PARD3B: variants seen among roughly 807,000 people sequenced by gnomAD.
PARD3B encodes the protein partitioning defective 3 homolog B.
A neutral mutation model predicts 130.2 loss-of-function variants in PARD3B; 103 were observed. The observed-to-expected ratio is 0.79, with a 90% CI of 0.67 to 0.93. PARD3B has a LOEUF of 0.93. Among genes scored for constraint, PARD3B ranks in the 40% least tolerant of loss-of-function variants. The pLI is 0.00. For synonymous variants in PARD3B, 583 were observed against 553.2 expected, an observed-to-expected ratio of 1.05 and a Z score of -0.76; for missense variants, 1,609 against 1,499.2, an observed-to-expected ratio of 1.07 and a Z score of -1.21.
At chr2:205,254,181 T>C (rs2039975406) in intron 16 of PARD3B, among the ~76,000 whole-genome samples, 2 of 151,582 alleles carry the variant, frequency 1.3e-5, no homozygotes, top group South Asian at 4.2e-4. Flanking sequence ...CCTTTCATTT[T>C]AAACATCTTT....
rs192429529 is a variant in PARD3B at position 204,614,619 on chromosome 2, C to A, written c.120+68500C>A. Among the ~76,000 whole-genome samples, 561 of 152,264 alleles carry A rather than the reference C, an allele frequency of 3.7e-3. 3 individuals are homozygous for A. The highest frequency in any genetic ancestry group is 6.5e-3 in the Non-Finnish European group (439 of 68,018). ...CCCAAATTTTATGTTGAATTGTAAT[C>A]CCCATTGTTGGAGGTGGGGCCTGTT... On this transcript the variant is annotated intron_variant, in intron 1 of 22. Coordinates refer to ENST00000406610, the MANE Select transcript of PARD3B (RefSeq NM_001302769.2).
rs1454207505 is a variant in PARD3B at position 205,268,802 on chromosome 2, C to T, written c.2185+22980C>T. On this transcript the variant is annotated intron_variant, in intron 16 of 22. Coordinates refer to ENST00000406610, the MANE Select transcript of PARD3B (RefSeq NM_001302769.2). The surrounding 1 kb of genome is among the most constrained non-coding windows in gnomAD (Gnocchi z 4.1). Reference sequence around the variant, plus strand: ...TTGAAATGCATGGTTTTAAGTGATGCTGGCTAGAATAAAGGTGGAAGGAGG... The same window carrying T: ...TTGAAATGCATGGTTTTAAGTGATGTTGGCTAGAATAAAGGTGGAAGGAGG... 1.3e-5 allele frequency among the ~76,000 whole-genome samples: 2 copies of T among 152,052 alleles called. No homozygotes were observed. The highest frequency in any genetic ancestry group is 2.9e-5 in the Non-Finnish European group (2 of 68,006).
chr2:205,526,158 T>C (rs2051326947), intron 21 of PARD3B, among the ~76,000 whole-genome samples: 1 of 152,208 alleles, frequency 6.6e-6, no homozygotes, highest in Non-Finnish European at 1.5e-5. Flanking sequence ...TAGATTCTGT[T>C]TCACAGTTTG....
At chr2:205,030,623 C>T (rs1697347529) in intron 3 of PARD3B, among the ~76,000 whole-genome samples, 1 of 152,040 alleles carries the variant, frequency 6.6e-6, no homozygotes, top group Admixed American at 6.6e-5. Context: ...CTCTTTAAAA[C>T]TAATTTAAAT....
At chr2:204,918,753 G>A (rs953241302) in intron 2 of PARD3B, among the ~76,000 whole-genome samples, 5 of 152,148 alleles carry the variant, frequency 3.3e-5, no homozygotes, top group Admixed American at 6.5e-5. Flanking sequence ...CTTTTTGAGG[G>A]ATTTGGTGAT....
chr2:204,664,408 A>G lies in PARD3B; in HGVS notation c.121-21773A>G, dbSNP rs1380828610. Among the ~76,000 whole-genome samples, 5 of 152,202 alleles carry G rather than the reference A, an allele frequency of 3.3e-5. No homozygotes were observed. The highest frequency in any genetic ancestry group is 1.2e-4 in the African/African-American group (5 of 41,466). On this transcript the variant is annotated intron_variant, in intron 1 of 22. Transcript: ENST00000406610. This position sits in a 1 kb window ranked among gnomAD's most constrained non-coding sequence, Gnocchi z 5.2. Reference sequence around the variant, plus strand: ...GAAGTTGTGGCCTGCAAGTAACATAAAGCAAATAAAATTTTTGCCAGACGG... The same window carrying G: ...GAAGTTGTGGCCTGCAAGTAACATAGAGCAAATAAAATTTTTGCCAGACGG...
At chr2:205,454,684 A>G (rs1425682357) in intron 20 of PARD3B, among the ~76,000 whole-genome samples, 1 of 152,124 alleles carries the variant, frequency 6.6e-6, no homozygotes, top group Non-Finnish European at 1.5e-5. Context: ...GATGCAGAAG[A>G]TTTTCTATGT....
At chr2:204,548,806 C>A (rs574056192) in intron 1 of PARD3B, among the ~76,000 whole-genome samples, 2 of 152,170 alleles carry the variant, frequency 1.3e-5, no homozygotes, top group East Asian at 3.9e-4. Flanking sequence ...GAAAAATATT[C>A]CTCAGTCTAA....
chr2:205,539,263 C>T (rs1012618900), intron 21 of PARD3B, among the ~76,000 whole-genome samples: 3 of 152,150 alleles, frequency 2.0e-5, no homozygotes, highest in Non-Finnish European at 4.4e-5. Flanking sequence ...CTGCCTTTGT[C>T]CTGGTCAGGG....
At chr2:204,851,229 A>G (rs564218696) in intron 2 of PARD3B, among the ~76,000 whole-genome samples, 4 of 152,292 alleles carry the variant, frequency 2.6e-5, no homozygotes, top group East Asian at 1.9e-4. Flanking sequence ...TCAGTCACCA[A>G]GAAAAATTGC....
chr2:205,552,689 C>A (rs2052702858), intron 21 of PARD3B, among the ~76,000 whole-genome samples: 1 of 152,108 alleles, frequency 6.6e-6, no homozygotes, highest in Admixed American at 6.6e-5. Flanking sequence ...GCTGGGATTG[C>A]AGGCATGAGC....
intron 1 of PARD3B, among the ~76,000 whole-genome samples, chr2:204,615,100 G>A (rs1362178965): frequency 1.3e-5 from 2 of 151,996 alleles, no homozygotes; most frequent in African/African-American, 4.8e-5. Flanking sequence ...CTGCTTTAGC[G>A]TTCAATCTTT....
intron 1 of PARD3B, among the ~76,000 whole-genome samples, chr2:204,674,003 G>A (rs1287595849): frequency 6.6e-6 from 1 of 152,076 alleles, no homozygotes; most frequent in Non-Finnish European, 1.5e-5. Context: ...CAATAAAATG[G>A]CTTTCTCTGT....
intron 18 of PARD3B, among the ~76,000 whole-genome samples, chr2:205,308,057 T>C (rs778574053): frequency 8.5e-5 from 13 of 152,244 alleles, no homozygotes; most frequent in Non-Finnish European, 1.9e-4. Context: ...TGTTTGCCCA[T>C]ATCATTTGAT....
chr2:205,180,090 A>G (rs922389929), intron 13 of PARD3B, among the ~76,000 whole-genome samples: 8 of 152,008 alleles, frequency 5.3e-5, no homozygotes, highest in Admixed American at 5.2e-4. Flanking sequence ...TTAACTATCT[A>G]CAAGTTTCCT....
intron 4 of PARD3B, among the ~76,000 whole-genome samples, chr2:205,056,810 T>C (rs1699663250): frequency 6.6e-6 from 1 of 151,840 alleles, no homozygotes; most frequent in Non-Finnish European, 1.5e-5. Flanking sequence ...TCAAAATTGA[T>C]TTACTTAAAG....
intron 3 of PARD3B, among the ~76,000 whole-genome samples, chr2:205,045,696 A>G (rs2125407789): frequency 6.6e-6 from 1 of 152,054 alleles, no homozygotes; most frequent in South Asian, 2.1e-4. Flanking sequence ...AAGAAAATGT[A>G]TTTATTACCT....
At chr2:204,939,527 A>G (rs565077902) in intron 2 of PARD3B, among the ~76,000 whole-genome samples, 6 of 152,334 alleles carry the variant, frequency 3.9e-5, no homozygotes, top group South Asian at 2.1e-4. Flanking sequence ...AAATGAAGAC[A>G]TTATGCTGTA....
intron 2 of PARD3B, among the ~76,000 whole-genome samples, chr2:204,777,523 C>A (rs552090719): frequency 6.6e-6 from 1 of 152,248 alleles, no homozygotes; most frequent in Admixed American, 6.5e-5. Flanking sequence ...AATCCCAGTA[C>A]TTTGGGAGGC....
Sources: allele counts gnomAD v4.1 joint callset (sites outside exome capture counted in the v4.1 genomes callset), GRCh38; gene constraint gnomAD v4.1.1; non-coding constraint Gnocchi (gnomAD v3.1); transcripts MANE v1.5; gene names NCBI Gene and HGNC (gene_info 2026-07-23, HGNC 2026-07-21).